Variants in PXDNL observed in about 807,000 individuals in gnomAD.
PXDNL encodes the protein peroxidasin like, also known as probable oxidoreductase PXDNL.
In PXDNL, 145 loss-of-function variants were observed where a neutral mutation model predicts 150.8. The observed-to-expected ratio is 0.96, with a 90% CI of 0.84 to 1.10. The LOEUF (loss-of-function observed/expected upper bound fraction) is 1.10, where lower values mean the gene tolerates loss of function less well. Among genes scored for constraint, PXDNL ranks in the 50% least tolerant of loss-of-function variants. The probability of loss-of-function intolerance (pLI) is 0.00; values close to 1 mark genes in which losing one functional copy is unlikely to be tolerated. For missense variants in PXDNL, 2,087 were observed against 1,873.9 expected, an observed-to-expected ratio of 1.11 and a Z score of -2.10; for synonymous variants, 757 against 725.7, an observed-to-expected ratio of 1.04 and a Z score of -0.69.
At chr8:51,483,578 G>A (rs2130171780) in intron 6 of PXDNL, 65 bp downstream of exon 6, 1 of 1,003,900 alleles carries the variant, frequency 1.0e-6, no homozygotes, top group Non-Finnish European at 1.5e-6. Context: ...ACCAACCATT[G>A]TTTGGGATGG....
At chr8:51,789,166 G>A (rs181064263) in intron 1 of PXDNL, among the ~76,000 whole-genome samples, 124 of 151,280 alleles carry the variant, frequency 8.2e-4, no homozygotes, top group Admixed American at 7.4e-3. Flanking sequence ...TGCAAAGAGT[G>A]GCCTATAGTT....
At chr8:51,444,585 T>C (rs1563414767) in intron 12 of PXDNL, among the ~76,000 whole-genome samples, 1 of 152,188 alleles carries the variant, frequency 6.6e-6, no homozygotes. Flanking sequence ...AAGACTGTCA[T>C]AGCACATGAA....
chr8:51,610,100 G>A (rs902502979), intron 2 of PXDNL, among the ~76,000 whole-genome samples: 2 of 152,130 alleles, frequency 1.3e-5, no homozygotes, highest in African/African-American at 4.8e-5. Context: ...TTTAATTAAA[G>A]TCAAAGAAAA....
chr8:51,437,290 A>C (rs1271550068), intron 12 of PXDNL, among the ~76,000 whole-genome samples: 1 of 152,218 alleles, frequency 6.6e-6, no homozygotes, highest in Non-Finnish European at 1.5e-5. Context: ...TCTTATTGAC[A>C]CTATTCCACA....
intron 1 of PXDNL, among the ~76,000 whole-genome samples, chr8:51,670,667 T>C (rs914441334): frequency 2.6e-5 from 4 of 152,236 alleles, no homozygotes; most frequent in African/African-American, 4.8e-5. Context: ...TTATTTATCA[T>C]TTTTAAATTT....
chr8:51,660,911 C>T (rs906770569), intron 1 of PXDNL, among the ~76,000 whole-genome samples: 2 of 152,150 alleles, frequency 1.3e-5, no homozygotes, highest in African/African-American at 4.8e-5. Flanking sequence ...GCTCCAGCTC[C>T]CCGCCACAAC....
chr8:51,664,050 CAAAA>C (rs59020717), intron 1 of PXDNL, among the ~76,000 whole-genome samples: 2 of 79,098 alleles, frequency 2.5e-5, no homozygotes, highest in Non-Finnish European at 3.1e-5. Context: ...GACTCTGTCT[CAAAA>C]AAAAAAAAAA....
chr8:51,648,045 C>T (rs1276274955), intron 2 of PXDNL, among the ~76,000 whole-genome samples: 1 of 152,114 alleles, frequency 6.6e-6, no homozygotes, highest in Admixed American at 6.5e-5. Flanking sequence ...TAAAGGATAG[C>T]CTTTTTCATG....
chr8:51,695,636 C>T (rs776117528), intron 1 of PXDNL, among the ~76,000 whole-genome samples: 1 of 152,152 alleles, frequency 6.6e-6, no homozygotes, highest in South Asian at 2.1e-4. Flanking sequence ...TAACTGTTCC[C>T]TCCCCAAGTG....
chr8:51,797,542 A>T (rs1351525983), intron 1 of PXDNL, among the ~76,000 whole-genome samples: 3 of 152,240 alleles, frequency 2.0e-5, no homozygotes, highest in Admixed American at 2.0e-4. Context: ...AGACAAGCAG[A>T]GAGCCAAATC....
intron 2 of PXDNL, among the ~76,000 whole-genome samples, chr8:51,609,837 T>C (rs1282468288): frequency 1.3e-5 from 2 of 152,204 alleles, no homozygotes; most frequent in Non-Finnish European, 2.9e-5. Context: ...TAAATGTACG[T>C]AGAGAAGTGC....
At chr8:51,477,169 A>T (rs7838138) in intron 6 of PXDNL, among the ~76,000 whole-genome samples, 22,357 of 152,128 alleles carry the variant, frequency 0.15, 1,754 homozygotes, top group Middle Eastern at 0.23. Context: ...AGTTTTGTAA[A>T]ATGTTTTGTA....
intron 3 of PXDNL, among the ~76,000 whole-genome samples, chr8:51,591,934 A>AT (rs1217235873): frequency 1.3e-5 from 2 of 152,102 alleles, no homozygotes; most frequent in African/African-American, 4.8e-5. Flanking sequence ...TTGCCTTAAC[A>AT]TTTTTTTAAA....
At chr8:51,665,183 C>T (rs1255049339) in intron 1 of PXDNL, among the ~76,000 whole-genome samples, 1 of 152,208 alleles carries the variant, frequency 6.6e-6, no homozygotes, top group East Asian at 1.9e-4. Flanking sequence ...AACCCCTGTG[C>T]TCCCCTAAGG....
chr8:51,719,108 G>A (rs1431283803), intron 1 of PXDNL, among the ~76,000 whole-genome samples: 2 of 152,106 alleles, frequency 1.3e-5, no homozygotes, highest in African/African-American at 4.8e-5. Flanking sequence ...GCCCCTTCTA[G>A]GAAGTGAGGA....
chr8:51,522,416 C>T (rs999189254), intron 4 of PXDNL, among the ~76,000 whole-genome samples: 14 of 152,178 alleles, frequency 9.2e-5, no homozygotes, highest in Admixed American at 3.3e-4. Flanking sequence ...CAGACTGGCA[C>T]GCTGAGCTCC....
intron 16 of PXDNL, 31 bp from the exon 17 acceptor site, chr8:51,409,592 G>A (rs1383772969): frequency 1.3e-6 from 2 of 1,517,278 alleles, no homozygotes; most frequent in East Asian, 2.5e-5. Context: ...GCCGTGAGGA[G>A]GGCGGGCCTG....
At chr8:51,748,112 T>A (rs531992157) in intron 1 of PXDNL, among the ~76,000 whole-genome samples, 13 of 152,296 alleles carry the variant, frequency 8.5e-5, no homozygotes, top group Non-Finnish European at 1.2e-4. Context: ...TAGGACACAG[T>A]CAGAGGGCTT....
chr8:51,419,791 G>A (rs1158326953), intron 14 of PXDNL, among the ~76,000 whole-genome samples: 6 of 151,976 alleles, frequency 3.9e-5, no homozygotes, highest in Non-Finnish European at 7.4e-5. Context: ...TGTAGCATTT[G>A]GATACAAAAT....
Sources: gnomAD v4.1 joint callset for allele counts (sites outside exome capture counted in the v4.1 genomes callset) on GRCh38, gnomAD v4.1.1 for gene constraint, MANE v1.5 for transcripts, NCBI Gene and HGNC (gene_info 2026-07-23, HGNC 2026-07-21) for gene names.